Variants in SNX29 observed in about 807,000 individuals in gnomAD.
SNX29 encodes the protein sorting nexin-29.
SNX29 carries 78 observed loss-of-function variants against 102.1 expected under a neutral mutation model. The ratio of observed to expected loss-of-function variants is 0.76; its 90% CI spans 0.64 to 0.92. SNX29 has a LOEUF of 0.92. Among genes scored for constraint, SNX29 ranks in the 40% least tolerant of loss-of-function variants. The pLI, the probability that SNX29 is intolerant of heterozygous loss-of-function variation, is 0.00. For missense variants in SNX29, 1,280 were observed against 1,061.7 expected, an observed-to-expected ratio of 1.21 and a Z score of -2.86; for synonymous variants, 580 against 414.5, an observed-to-expected ratio of 1.40 and a Z score of -4.85.
At chr16:12,272,490 A>G (rs577955486) in intron 14 of SNX29, among the ~76,000 whole-genome samples, 1 of 152,298 alleles carries the variant, frequency 6.6e-6, no homozygotes, top group Non-Finnish European at 1.5e-5. Flanking sequence ...GGTGCCTGCC[A>G]AGGTATCTGT....
chr16:12,184,909 C>T (rs577964313), intron 13 of SNX29, among the ~76,000 whole-genome samples: 4 of 152,186 alleles, frequency 2.6e-5, no homozygotes, highest in African/African-American at 9.7e-5. Flanking sequence ...CATTGTGTTT[C>T]CTCAGAAATG....
At chr16:12,114,658 C>T (rs1030285940) in intron 11 of SNX29, among the ~76,000 whole-genome samples, 1 of 151,700 alleles carries the variant, frequency 6.6e-6, no homozygotes. Context: ...ATGATCTCAG[C>T]TCACTGCAAC....
At chr16:12,567,563 CACTT>C (rs374706839) in intron 20 of SNX29, among the ~76,000 whole-genome samples, 34 of 152,184 alleles carry the variant, frequency 2.2e-4, no homozygotes, top group African/African-American at 7.9e-4. Context: ...GCAAGAGGAT[CACTT>C]GAGACCAGCC....
chr16:12,415,055 A>G (rs2084570416), intron 18 of SNX29, among the ~76,000 whole-genome samples: 1 of 152,218 alleles, frequency 6.6e-6, no homozygotes, highest in African/African-American at 2.4e-5. Flanking sequence ...CTTTGAGAAG[A>G]CAGCTAGGGG....
chr16:12,524,014 C>G (rs756665397), intron 19 of SNX29, among the ~76,000 whole-genome samples: 21 of 152,106 alleles, frequency 1.4e-4, no homozygotes, highest in Non-Finnish European at 2.4e-4. Flanking sequence ...AGCCAAGTAG[C>G]TGGGATTACA....
In SNX29 at chr16:12,381,377, A is replaced by ATCCC. The variant is rs201025514; in HGVS notation, c.1900-17066_1900-17065insCTCC. On this transcript the variant is annotated intron_variant, in intron 16 of 20. Coordinates refer to ENST00000566228, the MANE Select transcript of SNX29 (RefSeq NM_032167.5). ...CCAGCCACCCACCCACCGACCCATC[A>ATCCC]TCCACCCACCCACTCATCATCCATC... Among the ~76,000 whole-genome samples, 250 of 61,006 alleles carry ATCCC rather than the reference A, an allele frequency of 4.1e-3. 3 individuals carry two copies. The highest frequency in any genetic ancestry group is 8.6e-3 in the East Asian group (16 of 1,870). 40.0% of individuals were successfully genotyped at this position (61,006 alleles called of 152,430 possible). A position where few individuals can be genotyped will look rare whatever the true frequency, so the allele number is the denominator to read the frequency against.
At chr16:12,037,996 A>G (rs542730052) in intron 4 of SNX29, among the ~76,000 whole-genome samples, 1 of 151,968 alleles carries the variant, frequency 6.6e-6, no homozygotes, top group South Asian at 2.1e-4. Flanking sequence ...AACAAAACAA[A>G]AAAAACCCCA....
At chr16:12,539,699 T>C (rs1044299797) in intron 20 of SNX29, among the ~76,000 whole-genome samples, 2 of 152,234 alleles carry the variant, frequency 1.3e-5, no homozygotes, top group African/African-American at 4.8e-5. Context: ...CAGCATGTCA[T>C]ACTGTCATGA....
chr16:12,518,576 A>G (rs1017498529), intron 19 of SNX29, among the ~76,000 whole-genome samples: 4 of 152,132 alleles, frequency 2.6e-5, no homozygotes, highest in African/African-American at 9.7e-5. Context: ...CTGCAAACGT[A>G]GATATTCCTC....
intron 16 of SNX29, 56 bp downstream of exon 16, chr16:12,356,335 T>A (rs2082136185): frequency 1.3e-6 from 2 of 1,486,116 alleles, no homozygotes; most frequent in African/African-American, 1.4e-5. Flanking sequence ...CACAGCCCAG[T>A]AGAAAAGCAC....
At chr16:12,066,278 C>T (rs2051033383) in intron 9 of SNX29, among the ~76,000 whole-genome samples, 2 of 152,124 alleles carry the variant, frequency 1.3e-5, no homozygotes. Context: ...TGGTATGGAG[C>T]CTTTGGACCA....
At chr16:12,552,760 G>A (rs899036489) in intron 20 of SNX29, among the ~76,000 whole-genome samples, 2 of 152,220 alleles carry the variant, frequency 1.3e-5, no homozygotes, top group African/African-American at 4.8e-5. Context: ...TCTGATTTAA[G>A]GTATGAATTC....
At chr16:12,416,984 A>T (rs1346088600) in intron 18 of SNX29, among the ~76,000 whole-genome samples, 1 of 152,238 alleles carries the variant, frequency 6.6e-6, no homozygotes, top group Non-Finnish European at 1.5e-5. Context: ...AAGTAAAACA[A>T]AACTGAACAT....
rs573525526 is a variant in SNX29, at chr16:12,325,374, A to G, written c.1783-30789A>G. 7.2e-5 allele frequency among the ~76,000 whole-genome samples: 11 copies of G among 152,334 alleles called. No homozygotes were observed. The Middle Eastern group carries it at 0.014, about 188-fold the overall frequency. On this transcript the variant is annotated intron_variant, in intron 15 of 20. Transcript: ENST00000566228. The stretch of plus-strand genomic sequence containing the variant: ...AGGTAGAAGAGGTTTCCTTTGCGAA[A>G]ATTATTTAAATGCATTCTGGCAGCT...
At chr16:12,403,924 CCAG>C (rs2084061518) in intron 18 of SNX29, among the ~76,000 whole-genome samples, 1 of 152,128 alleles carries the variant, frequency 6.6e-6, no homozygotes, top group Non-Finnish European at 1.5e-5. Flanking sequence ...CCCTCTCAGG[CCAG>C]CTGTCCGTGG....
intron 16 of SNX29, among the ~76,000 whole-genome samples, chr16:12,374,167 G>A (rs1413356912): frequency 6.6e-6 from 1 of 152,258 alleles, no homozygotes; most frequent in East Asian, 1.9e-4. Context: ...CAGTTTGGAT[G>A]ACACTTCACC....
chr16:11,981,119 C>A (rs1025086410), intron 1 of SNX29, among the ~76,000 whole-genome samples: 3 of 151,926 alleles, frequency 2.0e-5, no homozygotes, highest in Non-Finnish European at 4.4e-5. Context: ...AGGTGCACAC[C>A]CCCACACCCA....
chr16:12,272,224 G>A (rs1001661169), intron 14 of SNX29, among the ~76,000 whole-genome samples: 11 of 152,272 alleles, frequency 7.2e-5, no homozygotes, highest in Admixed American at 4.6e-4. Flanking sequence ...GTCCTAGAGG[G>A]GCTGGTGCCT....
chr16:12,135,650 T>C, intron 13 of SNX29: 1 of 1,315,898 alleles, frequency 7.6e-7, no homozygotes, highest in Middle Eastern at 2.0e-4. Flanking sequence ...ATAGTCTCAT[T>C]TGAGCTCCTG....
Sources: gnomAD v4.1 joint callset for allele counts (sites outside exome capture counted in the v4.1 genomes callset) on GRCh38, gnomAD v4.1.1 for gene constraint, MANE v1.5 for transcripts, NCBI Gene and HGNC (gene_info 2026-07-23, HGNC 2026-07-21) for gene names.